The following CSRNP3 variants were observed in gnomAD, a reference collection of about 807,000 sequenced individuals.
The protein encoded by CSRNP3 is cysteine/serine-rich nuclear protein 3.
Under a neutral mutation model 48.0 loss-of-function variants are expected in CSRNP3, and 12 were observed. The observed-to-expected ratio is 0.25, with a 90% CI of 0.16 to 0.41. CSRNP3 has a LOEUF of 0.41. CSRNP3 is among the 10% of genes least tolerant of loss of function. The pLI is 1.00. For synonymous variants in CSRNP3, 263 were observed against 269.7 expected (o/e 0.98, Z 0.24); for missense variants, 580 against 724.4 (o/e 0.80, Z 2.29).
chr2:165,517,339 G>A (rs1275267563), intron 2 of CSRNP3, among the ~76,000 whole-genome samples: 1 of 151,722 alleles, frequency 6.6e-6, no homozygotes, highest in Non-Finnish European at 1.5e-5. Context: ...TTTTCTTAAG[G>A]CCTAAGTTAT....
At chr2:165,656,506 C>T (rs1217209119) in intron 4 of CSRNP3, among the ~76,000 whole-genome samples, 1 of 152,000 alleles carries the variant, frequency 6.6e-6, no homozygotes, top group African/African-American at 2.4e-5. Context: ...CAAAGCATCA[C>T]ACTGGGCATC....
At chr2:165,526,021 T>G (rs1684728372) in intron 3 of CSRNP3, among the ~76,000 whole-genome samples, 1 of 152,190 alleles carries the variant, frequency 6.6e-6, no homozygotes, top group East Asian at 1.9e-4. Flanking sequence ...TAAATTGACT[T>G]TGCATTTTTG....
chr2:165,651,657 C>CTTT (rs35970195), intron 4 of CSRNP3, among the ~76,000 whole-genome samples: 9 of 132,204 alleles, frequency 6.8e-5, no homozygotes, highest in African/African-American at 1.1e-4. Context: ...ATTTTGAAAG[C>CTTT]TTTTTTTTTT....
chr2:165,474,134 C>T (rs554243374), intron 1 of CSRNP3, among the ~76,000 whole-genome samples: 5 of 152,130 alleles, frequency 3.3e-5, no homozygotes, highest in Non-Finnish European at 7.4e-5. Context: ...TGTGCACATT[C>T]ATAAAAATGA....
intron 6 of CSRNP3, 22 bp downstream of exon 6, chr2:165,676,630 C>A: frequency 2.5e-6 from 4 of 1,601,888 alleles, no homozygotes; most frequent in Non-Finnish European, 3.4e-6. Context: ...GAATTCAGGG[C>A]ATCCAAAGAC....
chr2:165,573,450 TAG>T (rs1685402370), intron 3 of CSRNP3, among the ~76,000 whole-genome samples: 1 of 152,220 alleles, frequency 6.6e-6, no homozygotes, highest in Non-Finnish European at 1.5e-5. Flanking sequence ...ATGTTTCAAA[TAG>T]AGAGATTGTT....
At chr2:165,495,905 T>C (rs988730308) in intron 2 of CSRNP3, among the ~76,000 whole-genome samples, 1 of 152,004 alleles carries the variant, frequency 6.6e-6, no homozygotes, top group African/African-American at 2.4e-5. Context: ...CAAAACAGCC[T>C]TAATGGGTGT....
intron 3 of CSRNP3, among the ~76,000 whole-genome samples, chr2:165,554,838 G>A (rs552837124): frequency 6.6e-6 from 1 of 152,164 alleles, no homozygotes; most frequent in East Asian, 1.9e-4. Context: ...TTCACTCAGA[G>A]TAAAAGTCAA....
chr2:165,680,182 A>G lies in CSRNP3; in HGVS notation c.*429A>G, dbSNP rs1687510212. ...ATGACTTTTTAATGTAAAAGTAATT[A>G]TTGTAAGAAAAAGATTTAATTGTTC... On this transcript the variant is annotated 3_prime_UTR_variant, in exon 7 of 7. Coordinates refer to ENST00000651982, the MANE Select transcript of CSRNP3 (RefSeq NM_001172173.2). The G allele has an allele frequency of 6.4e-6, 1 of 157,074 alleles. No homozygotes were observed. The highest frequency in any genetic ancestry group is 1.4e-5 in the Non-Finnish European group (1 of 71,208). The allele number at this position is 157,074 out of a possible 1,614,324, so 9.7% of individuals were successfully genotyped here.
chr2:165,584,590 G>C (rs553955471), intron 3 of CSRNP3, among the ~76,000 whole-genome samples: 2 of 152,192 alleles, frequency 1.3e-5, no homozygotes, highest in East Asian at 3.9e-4. Flanking sequence ...GAATATGAGA[G>C]TGCAATGAGT....
At chr2:165,676,892 A>G (rs1687435281) in intron 6 of CSRNP3, among the ~76,000 whole-genome samples, 1 of 152,220 alleles carries the variant, frequency 6.6e-6, no homozygotes, top group East Asian at 1.9e-4. Flanking sequence ...GGATTCTTGT[A>G]TTATATCACC....
chr2:165,476,101 C>T (rs1683959431), intron 1 of CSRNP3, among the ~76,000 whole-genome samples: 1 of 152,144 alleles, frequency 6.6e-6, no homozygotes, highest in South Asian at 2.1e-4. Context: ...ATCATACATC[C>T]ACTCTTAGTC....
chr2:165,476,471 G>A (rs1017075335), intron 1 of CSRNP3, among the ~76,000 whole-genome samples: 1 of 152,222 alleles, frequency 6.6e-6, no homozygotes, highest in African/African-American at 2.4e-5. Flanking sequence ...AGGAAAAGGA[G>A]TGCTTACCAA....
chr2:165,478,432 C>T (rs796789367), intron 1 of CSRNP3, among the ~76,000 whole-genome samples: 7 of 152,240 alleles, frequency 4.6e-5, no homozygotes, highest in East Asian at 1.9e-4. Context: ...AAAAGCAGCA[C>T]GTGTACATAT....
At chr2:165,619,269 T>C (rs1376603965) in intron 4 of CSRNP3, among the ~76,000 whole-genome samples, 1 of 152,212 alleles carries the variant, frequency 6.6e-6, no homozygotes, top group Non-Finnish European at 1.5e-5. Flanking sequence ...TATGTCCTAA[T>C]TTTTCATTTT....
intron 4 of CSRNP3, among the ~76,000 whole-genome samples, chr2:165,651,581 T>C (rs768957871): frequency 1.3e-5 from 2 of 152,196 alleles, no homozygotes; most frequent in Non-Finnish European, 2.9e-5. Flanking sequence ...TACAGATTAT[T>C]TTATGTGCCT....
chr2:165,551,393 G>A (rs1192630386), intron 3 of CSRNP3, among the ~76,000 whole-genome samples: 2 of 152,112 alleles, frequency 1.3e-5, no homozygotes, highest in Non-Finnish European at 2.9e-5. Context: ...CTATACCCAA[G>A]TGAATAGTGG....
intron 1 of CSRNP3, among the ~76,000 whole-genome samples, chr2:165,486,265 T>C (rs1219935303): frequency 6.6e-6 from 1 of 152,180 alleles, no homozygotes; most frequent in Non-Finnish European, 1.5e-5. Context: ...ACCACGAGAC[T>C]ATATCCCACA....
chr2:165,642,644 C>T (rs1194315775), intron 4 of CSRNP3, among the ~76,000 whole-genome samples: 1 of 151,474 alleles, frequency 6.6e-6, no homozygotes, highest in Non-Finnish European at 1.5e-5. Flanking sequence ...CTCACTGCGA[C>T]CTCCGCCTCC....
Sources: gnomAD v4.1 joint callset for allele counts (sites outside exome capture counted in the v4.1 genomes callset) on GRCh38, gnomAD v4.1.1 for gene constraint, MANE v1.5 for transcripts, NCBI Gene and HGNC (gene_info 2026-07-23, HGNC 2026-07-21) for gene names.